Variants in LAMC3 observed in about 807,000 individuals in gnomAD.
LAMC3 encodes laminin subunit gamma 3.
Under a neutral mutation model 173.8 loss-of-function variants are expected in LAMC3, and 128 were observed. The ratio of observed to expected loss-of-function variants is 0.74; its 90% CI spans 0.64 to 0.85. The LOEUF (loss-of-function observed/expected upper bound fraction) is 0.85. Among genes scored for constraint, LAMC3 ranks in the 40% least tolerant of loss-of-function variants. LAMC3 has a pLI of 0.00. For synonymous variants in LAMC3, 897 were observed against 909.1 expected, an observed-to-expected ratio of 0.99 and a Z score of 0.24; for missense variants, 2,022 against 2,156.0, an observed-to-expected ratio of 0.94 and a Z score of 1.23.
chr9:131,044,183 TGA>T (rs1485581727), intron 7 of LAMC3, among the ~76,000 whole-genome samples: 1 of 151,540 alleles, frequency 6.6e-6, no homozygotes, highest in Non-Finnish European at 1.5e-5. Context: ...GATCTCGAAC[TGA>T]CCTCAGGTGA....
At chr9:131,061,567 T>G (rs1372444946) in intron 13 of LAMC3, among the ~76,000 whole-genome samples, 1 of 152,140 alleles carries the variant, frequency 6.6e-6, no homozygotes, top group Non-Finnish European at 1.5e-5. Flanking sequence ...AAACCTCGAT[T>G]AAACTTCTAG....
Position 131,052,970 on chromosome 9 carries a change from G to C in LAMC3, c.1939+5G>C. On this transcript the variant is annotated splice_donor_5th_base_variant and intron_variant, in intron 11 of 27. Coordinates refer to ENST00000361069, the MANE Select transcript of LAMC3 (RefSeq NM_006059.4). ...GTCCCGGCCCCAGCCCTGCCGGTCA[G>C]TAAAGACAACCACATGCCCAAGACC... 1 of 1,604,098 alleles carries C rather than the reference G, an allele frequency of 6.2e-7. No individual in the cohort carries two copies. Among genetic ancestry groups the C allele is most frequent in the Non-Finnish European group, 8.5e-7 (1 of 1,172,776 alleles).
rs74335812 is a variant in LAMC3 at position 131,041,102 on chromosome 9, C to T, written c.1284-535C>T. 1.7e-3 allele frequency among the ~76,000 whole-genome samples: 265 copies of T among 152,162 alleles called. 5 individuals are homozygous for T. The East Asian group carries it at 0.046, about 26-fold the overall frequency. ...TTCATGGAGGCCGAGCACGGTGGCT[C>T]ATGTATGTAATCCTGGCACTTTGGG... On this transcript the variant is annotated intron_variant, in intron 6 of 27. Coordinates refer to ENST00000361069, the MANE Select transcript of LAMC3 (RefSeq NM_006059.4).
chr9:131,011,296 A>G (rs1009775477), intron 1 of LAMC3, among the ~76,000 whole-genome samples: 1 of 152,226 alleles, frequency 6.6e-6, no homozygotes, highest in African/African-American at 2.4e-5. Flanking sequence ...ACTGTATCCC[A>G]TGTTTCAGCT....
intron 6 of LAMC3, among the ~76,000 whole-genome samples, chr9:131,041,095 G>A (rs761543110): frequency 2.0e-5 from 3 of 152,128 alleles, no homozygotes; most frequent in South Asian, 2.1e-4. Flanking sequence ...GGCCGAGCAC[G>A]GTGGCTCATG....
chr9:131,051,346 T>C (rs1834282843), intron 9 of LAMC3, among the ~76,000 whole-genome samples: 2 of 150,240 alleles, frequency 1.3e-5, no homozygotes, highest in African/African-American at 2.4e-5. Context: ...ATAAAGTTAT[T>C]AGCATGAATT....
At position 131,009,348 on chromosome 9, in the gene LAMC3, G is replaced by A; in HGVS notation, c.134G>A (p.Gly45Glu). 1 of 1,498,454 alleles carries A rather than the reference G, an allele frequency of 6.7e-7. No individual in the cohort carries two copies. Among genetic ancestry groups the A allele is most frequent in the Non-Finnish European group, 8.8e-7 (1 of 1,130,788 alleles). 92.8% of individuals were successfully genotyped at this position (1,498,454 alleles called of 1,614,324 possible). A position where few individuals can be genotyped will look rare whatever the true frequency, so the allele number is the denominator to read the frequency against. ...CCGGTGTTCGAGAACGCGGCGTTTG[G>A]GCGGCTCGCCCAGGCCTCGCACACG... The part of the protein sequence containing the change: ...CLPVFENAAF[G>E]RLAQASHTCG... The change falls in exon 1 of 28, where the codon GGG becomes GAG. Residue 45 changes from glycine (G) to glutamate (E), a missense_variant. Coordinates refer to ENST00000361069, the MANE Select transcript of LAMC3 (RefSeq NM_006059.4). This position sits in a 1 kb window ranked among gnomAD's most constrained non-coding sequence, Gnocchi z 4.3.
chr9:131,016,493 C>G (rs572637739), intron 1 of LAMC3, among the ~76,000 whole-genome samples: 2 of 152,158 alleles, frequency 1.3e-5, no homozygotes, highest in African/African-American at 4.8e-5. Flanking sequence ...ATATTCCTGG[C>G]CTTTGGCAAA....
chr9:131,012,720 G>T (rs999779004), intron 1 of LAMC3, among the ~76,000 whole-genome samples: 2 of 152,176 alleles, frequency 1.3e-5, no homozygotes, highest in Non-Finnish European at 2.9e-5. Context: ...TCTCCTCCTG[G>T]TCCTTAGGCC....
intron 11 of LAMC3, 34 bp downstream of exon 11, chr9:131,052,999 G>A (rs1834329373): frequency 7.4e-6 from 11 of 1,481,224 alleles, no homozygotes; most frequent in Non-Finnish European, 1.0e-5. Context: ...CAAGACCCGA[G>A]TGCTTGCCAG....
In LAMC3 at chr9:131,092,057, A is replaced by T; in HGVS notation, c.*270A>T. On this transcript the variant is annotated 3_prime_UTR_variant, in exon 28 of 28. Coordinates refer to ENST00000361069, the MANE Select transcript of LAMC3 (RefSeq NM_006059.4). ...ACGGGCACACCCCAGTGTCAATAAC[A>T]TACACACGTGAGGGTGCATGTCTGT... 5.6e-6 allele frequency: 3 copies of T among 537,162 alleles called. No individual in the cohort carries two copies. The highest frequency in any genetic ancestry group is 1.0e-5 in the Non-Finnish European group (3 of 295,318). 33.3% of individuals were successfully genotyped at this position (537,162 alleles called of 1,614,324 possible). A position where few individuals can be genotyped will look rare whatever the true frequency, so the allele number is the denominator to read the frequency against.
intron 1 of LAMC3, among the ~76,000 whole-genome samples, chr9:131,016,743 T>C (rs1275489422): frequency 6.6e-6 from 1 of 152,168 alleles, no homozygotes; most frequent in African/African-American, 2.4e-5. Context: ...AGTTGGTATA[T>C]GTGGAATCAT....
chr9:131,039,107 T>C (rs761565426), intron 5 of LAMC3, 24 bp from the exon 6 acceptor site: 1 of 1,611,484 alleles, frequency 6.2e-7, no homozygotes, highest in South Asian at 1.1e-5. Context: ...TGGCCTCAAT[T>C]GCCCTGTGCC....
Position 131,091,817 on chromosome 9 carries a change from C to G in LAMC3, c.*30C>G. The G allele has an allele frequency of 6.2e-7, 1 of 1,609,200 alleles. No homozygotes were observed. Among genetic ancestry groups the G allele is most frequent in the Non-Finnish European group, 8.5e-7 (1 of 1,179,772 alleles). On this transcript the variant is annotated 3_prime_UTR_variant, in exon 28 of 28. Transcript: ENST00000361069. ...TGCCCAGATCCCCGGCACACACTCC[C>G]CCACCTGCTGTTTACATGACCCAGG... is the stretch of plus-strand genomic sequence containing the variant.
chr9:131,078,365 G>T (rs185167650), intron 22 of LAMC3, among the ~76,000 whole-genome samples: 324 of 152,218 alleles, frequency 2.1e-3, no homozygotes, highest in African/African-American at 7.5e-3. Flanking sequence ...GGTGGCGGGC[G>T]TCTGTAGTCC....
chr9:131,061,915 G>A (rs1330196818), intron 13 of LAMC3, among the ~76,000 whole-genome samples: 1 of 152,020 alleles, frequency 6.6e-6, no homozygotes, highest in Admixed American at 6.6e-5. Context: ...GCTGGGTGTG[G>A]TGGCATGCAC....
Position 131,087,775 on chromosome 9 carries a change from G to C in LAMC3, c.4435G>C (p.Glu1479Gln). ...GATCCGGGAATCGCGTATCTCACTGGAGAAGGACATCGAGACCTTGTCAGA... is the reference window on the plus strand; with the variant it reads ...GATCCGGGAATCGCGTATCTCACTGCAGAAGGACATCGAGACCTTGTCAGA... ...QQIRESRISL[E>Q]KDIETLSELL... The change falls in exon 27 of 28, where the codon GAG becomes CAG. Residue 1479 changes from glutamate to glutamine, a missense_variant. Physicochemically the swap from Glu to Gln is conservative, Grantham distance 29. Coordinates refer to ENST00000361069, the MANE Select transcript of LAMC3 (RefSeq NM_006059.4). The C allele has an allele frequency of 6.2e-7, 1 of 1,614,168 alleles. No homozygotes were observed. Among genetic ancestry groups the C allele is most frequent in the Non-Finnish European group, 8.5e-7 (1 of 1,180,048 alleles).
intron 6 of LAMC3, 47 bp from the exon 7 acceptor site, chr9:131,041,590 T>G: frequency 6.4e-7 from 1 of 1,554,918 alleles, no homozygotes; most frequent in South Asian, 1.1e-5. Flanking sequence ...GTTGCCATTC[T>G]GAATTTGCTC....
intron 7 of LAMC3, among the ~76,000 whole-genome samples, chr9:131,045,254 C>T (rs868123353): frequency 8.8e-6 from 1 of 113,580 alleles, no homozygotes; most frequent in African/African-American, 3.2e-5. Flanking sequence ...AACAAAAAAA[C>T]AAAACCTAAT....
Sources: allele counts gnomAD v4.1 joint callset (sites outside exome capture counted in the v4.1 genomes callset), GRCh38; gene constraint gnomAD v4.1.1; non-coding constraint Gnocchi (gnomAD v3.1); transcripts MANE v1.5; gene names NCBI Gene and HGNC (gene_info 2026-07-23, HGNC 2026-07-21).